Variants in FBXW11 observed in about 807,000 individuals in gnomAD.
FBXW11 encodes the protein F-box/WD repeat-containing protein 11.
In FBXW11, 19 loss-of-function variants were observed where a neutral mutation model predicts 77.6. The observed-to-expected ratio is 0.24, with a 90% CI of 0.17 to 0.36. The LOEUF (loss-of-function observed/expected upper bound fraction) is 0.36. Among genes scored for constraint, FBXW11 ranks in the 10% least tolerant of loss-of-function variants. FBXW11 has a pLI of 1.00. For missense variants in FBXW11, 334 were observed against 704.2 expected, an observed-to-expected ratio of 0.47 and a Z score of 5.95; for synonymous variants, 235 against 249.4, an observed-to-expected ratio of 0.94 and a Z score of 0.54.
At chr5:171,917,766 C>CTGTGTGTGTGTGTG (rs60601173) in intron 2 of FBXW11, among the ~76,000 whole-genome samples, 1,762 of 147,548 alleles carry the variant, frequency 0.012, 24 homozygotes, top group Admixed American at 0.018. Flanking sequence ...TAGACTCACT[C>CTGTGTGTGTGTGTG]TGTGTGTGTG....
chr5:171,971,458 A>C (rs1001740057), intron 1 of FBXW11, among the ~76,000 whole-genome samples: 5 of 152,100 alleles, frequency 3.3e-5, no homozygotes, highest in African/African-American at 1.2e-4. Context: ...CCCTGACTTC[A>C]TCTTTTTGTC....
At chr5:171,905,116 G>A (rs1760388672) in intron 4 of FBXW11, among the ~76,000 whole-genome samples, 1 of 152,096 alleles carries the variant, frequency 6.6e-6, no homozygotes, top group African/African-American at 2.4e-5. Flanking sequence ...TCCTTTGTCT[G>A]ATACTTTAAA....
intron 2 of FBXW11, among the ~76,000 whole-genome samples, chr5:171,926,515 C>G (rs1476241158): frequency 6.6e-6 from 1 of 152,150 alleles, no homozygotes; most frequent in East Asian, 1.9e-4. Flanking sequence ...TTGGTGCTGT[C>G]GTGGCATGAG....
At chr5:171,916,373 G>T in intron 2 of FBXW11, 1 of 923,958 alleles carries the variant, frequency 1.1e-6, no homozygotes, top group Non-Finnish European at 1.3e-6. Context: ...GACTTTCTCA[G>T]TAAAATCTTA....
intron 1 of FBXW11, among the ~76,000 whole-genome samples, chr5:171,964,103 G>A (rs541337551): frequency 1.4e-4 from 22 of 152,280 alleles, no homozygotes; most frequent in Non-Finnish European, 2.6e-4. Context: ...AAGTCTCTTC[G>A]AGAATCTATA....
At chr5:171,975,318 G>A (rs1302615018) in intron 1 of FBXW11, among the ~76,000 whole-genome samples, 3 of 152,178 alleles carry the variant, frequency 2.0e-5, no homozygotes, top group Admixed American at 1.3e-4. Context: ...TACAGAGGCA[G>A]TTTAGGCAGA....
chr5:171,893,421 CAAAAAAAAAAA>C lies in FBXW11; in HGVS notation c.715-1828_715-1818del, dbSNP rs397999920. 6.9e-3 allele frequency among the ~76,000 whole-genome samples: 273 copies of C among 39,852 alleles called. 6 individuals carry two copies. Among genetic ancestry groups the C allele is most frequent in the South Asian group, 0.021 (11 of 534 alleles). 26.1% of individuals were successfully genotyped at this position (39,852 alleles called of 152,430 possible). A position where few individuals can be genotyped will look rare whatever the true frequency, so the allele number is the denominator to read the frequency against. ...GACATACAAAAGCACACTTCAAAAC[CAAAAAAAAAAA>C]AAAAAAAAAAAAAAACTAACCCAAC... On this transcript the variant is annotated intron_variant, in intron 6 of 13. Coordinates refer to ENST00000517395, the MANE Select transcript of FBXW11 (RefSeq NM_001378974.1).
intron 1 of FBXW11, among the ~76,000 whole-genome samples, chr5:171,983,977 G>T (rs1026364605): frequency 1.3e-5 from 2 of 150,972 alleles, no homozygotes; most frequent in African/African-American, 4.9e-5. Flanking sequence ...ATGGAATAAT[G>T]CATAGAAAAA....
intron 2 of FBXW11, among the ~76,000 whole-genome samples, chr5:171,930,729 TAAATAAA>T (rs1188874995): frequency 4.7e-3 from 276 of 59,340 alleles, no homozygotes; most frequent in Non-Finnish European, 6.7e-3. Flanking sequence ...ATAAAAAAAA[TAAATAAA>T]AAATAAAAAA....
chr5:171,992,977 A>C (rs533463665), intron 1 of FBXW11, among the ~76,000 whole-genome samples: 1 of 152,064 alleles, frequency 6.6e-6, no homozygotes, highest in Admixed American at 6.6e-5. Context: ...CCTTAAGGAA[A>C]ACAAAGGGCT....
intron 13 of FBXW11, among the ~76,000 whole-genome samples, chr5:171,865,576 A>C (rs1249775333): frequency 6.6e-6 from 1 of 152,256 alleles, no homozygotes; most frequent in Non-Finnish European, 1.5e-5. Flanking sequence ...GAAAATGTAC[A>C]GTTATAAAGC....
chr5:171,995,528 C>T lies in FBXW11; in HGVS notation c.45+10930G>A, dbSNP rs957261150. 5.3e-5 allele frequency among the ~76,000 whole-genome samples: 8 copies of T among 152,048 alleles called. No homozygotes were observed. In the South Asian group the frequency reaches 1.0e-3, roughly 20 times the overall value. On this transcript the variant is annotated intron_variant, in intron 1 of 13. Coordinates refer to ENST00000517395, the MANE Select transcript of FBXW11 (RefSeq NM_001378974.1). ...CAGCACTTTGGGAGGCTGAGGTGGG[C>T]GGATCACAAGGTCAGGAGATCGAGA...
At chr5:171,905,366 C>T (rs1760408277) in intron 4 of FBXW11, among the ~76,000 whole-genome samples, 1 of 152,130 alleles carries the variant, frequency 6.6e-6, no homozygotes, top group Non-Finnish European at 1.5e-5. Flanking sequence ...TCTACATACC[C>T]TCATTTTACA....
Position 171,869,606 on chromosome 5 carries a change from G to T in FBXW11, c.1530+123C>A. 2 of 610,564 alleles carry T rather than the reference G, an allele frequency of 3.3e-6. No homozygotes were observed. Among genetic ancestry groups the T allele is most frequent in the Non-Finnish European group, 5.3e-6 (2 of 373,956 alleles). The allele number at this position is 610,564 out of a possible 1,614,324, so 37.8% of individuals were successfully genotyped here. Reference sequence around the variant, plus strand: ...GTTTTGGCTAAACAAAATGAAGACTGAAATTCTCTGAAGGCATCTTGTGAG... The same window carrying T: ...GTTTTGGCTAAACAAAATGAAGACTTAAATTCTCTGAAGGCATCTTGTGAG... On this transcript the variant is annotated intron_variant, in intron 12 of 13. Transcript: ENST00000517395. This position sits in a 1 kb window ranked among gnomAD's most constrained non-coding sequence, Gnocchi z 4.1.
chr5:171,885,299 A>G (rs1356795263), intron 7 of FBXW11, among the ~76,000 whole-genome samples: 1 of 152,210 alleles, frequency 6.6e-6, no homozygotes, highest in Non-Finnish European at 1.5e-5. Flanking sequence ...TCTTGCAGGT[A>G]AAACTCACAA....
chr5:171,941,128 CTT>C (rs1257407025), intron 2 of FBXW11, among the ~76,000 whole-genome samples: 1 of 152,124 alleles, frequency 6.6e-6, no homozygotes, highest in East Asian at 1.9e-4. Flanking sequence ...AAAAGAATAA[CTT>C]TACAATGAAG....
At chr5:171,931,455 A>C (rs142019428) in intron 2 of FBXW11, among the ~76,000 whole-genome samples, 49 of 152,338 alleles carry the variant, frequency 3.2e-4, no homozygotes, top group African/African-American at 1.1e-3. Context: ...TCTCATCAAC[A>C]AATGGACATC....
At chr5:171,981,891 CTAAGA>C (rs1765167557) in intron 1 of FBXW11, among the ~76,000 whole-genome samples, 2 of 152,116 alleles carry the variant, frequency 1.3e-5, no homozygotes, top group Admixed American at 1.3e-4. Flanking sequence ...AAGAATGAAT[CTAAGA>C]TAAGTCAAAC....
chr5:171,907,214 C>A (rs1229197975), intron 4 of FBXW11, among the ~76,000 whole-genome samples: 1 of 152,196 alleles, frequency 6.6e-6, no homozygotes, highest in Non-Finnish European at 1.5e-5. Context: ...CAAACATTTT[C>A]CATTTTCCCT....
Sources: allele counts gnomAD v4.1 joint callset (sites outside exome capture counted in the v4.1 genomes callset), GRCh38; gene constraint gnomAD v4.1.1; non-coding constraint Gnocchi (gnomAD v3.1); transcripts MANE v1.5; gene names NCBI Gene and HGNC (gene_info 2026-07-23, HGNC 2026-07-21).